ULK4: variants seen among roughly 807,000 people sequenced by gnomAD.
ULK4 encodes inactive serine/threonine-protein kinase ULK4.
A neutral mutation model predicts 160.6 loss-of-function variants in ULK4; 133 were observed. The ratio of observed to expected loss-of-function variants is 0.83; its 90% CI spans 0.72 to 0.96. The LOEUF is 0.96. ULK4 is among the 40% of genes least tolerant of loss of function. The pLI, the probability that ULK4 is intolerant of heterozygous loss-of-function variation, is 0.00. For synonymous variants in ULK4, 534 were observed against 539.8 expected (o/e 0.99, Z 0.15); for missense variants, 1,580 against 1,499.5 (o/e 1.05, Z -0.89).
In ULK4 at chr3:41,704,424, T is replaced by C. The variant is rs376306174; in HGVS notation, c.2781+633A>G. ...CCTGGCAAAACCTGATACTGCTCCT[T>C]GCACCATAAGCTAATTGTCTTCCTA... On this transcript the variant is annotated intron_variant, in intron 27 of 36. Coordinates refer to ENST00000301831, the MANE Select transcript of ULK4 (RefSeq NM_017886.4). Among the ~76,000 whole-genome samples, 7 of 152,186 alleles carry C rather than the reference T, an allele frequency of 4.6e-5. No homozygotes were observed. The South Asian group carries it at 1.0e-3, about 23-fold the overall frequency.
intron 35 of ULK4, among the ~76,000 whole-genome samples, chr3:41,326,544 A>T (rs1258097247): frequency 6.6e-6 from 1 of 152,190 alleles, no homozygotes. Flanking sequence ...AGAAAGTAAC[A>T]GGTGAAAGGC....
intron 29 of ULK4, among the ~76,000 whole-genome samples, chr3:41,666,065 C>T (rs189490763): frequency 1.3e-4 from 20 of 152,314 alleles, no homozygotes; most frequent in African/African-American, 4.6e-4. Flanking sequence ...AGTGTTTACT[C>T]CTCCCAGTAG....
At chr3:41,898,569 C>A in intron 13 of ULK4, 77 bp from the exon 14 acceptor site, 1 of 852,916 alleles carries the variant, frequency 1.2e-6, no homozygotes, top group Admixed American at 2.5e-5. Flanking sequence ...TCCCTTATGT[C>A]AGATAATAAA....
intron 5 of ULK4, among the ~76,000 whole-genome samples, chr3:41,921,699 ATGGG>A (rs1699189931): frequency 6.6e-6 from 1 of 152,244 alleles, no homozygotes; most frequent in African/African-American, 2.4e-5. Flanking sequence ...TCACACTCAA[ATGGG>A]TGGAAAACAA....
chr3:41,398,126 C>T lies in ULK4; in HGVS notation c.3631G>A (p.Glu1211Lys). ...EIFAHLLTSK[E>K]DPKEQKLLLR... ...AGAAGCTTCTGCTCCTTTGGGTCCT[C>T]CTTGGATGTCAGTAAATGAGCAAAA... The change falls in exon 35 of 37, where the codon GAG (glutamate) becomes AAG (lysine). Residue 1211 changes from glutamate (E) to lysine (K), a missense_variant. Glu to Lys is a moderately conservative substitution (Grantham distance 56, BLOSUM62 1). Coordinates refer to ENST00000301831, the MANE Select transcript of ULK4 (RefSeq NM_017886.4). 1.2e-6 allele frequency: 2 copies of T among 1,613,402 alleles called. No homozygotes were observed. The highest frequency in any genetic ancestry group is 1.7e-6 in the Non-Finnish European group (2 of 1,179,616).
Position 41,666,917 on chromosome 3 carries a change from G to A in ULK4, c.2979-3218C>T, listed in dbSNP as rs558284381. Among the ~76,000 whole-genome samples, 9 of 152,186 alleles carry A rather than the reference G, an allele frequency of 5.9e-5. No individual in the cohort carries two copies. The South Asian group carries it at 8.3e-4, about 14-fold the overall frequency. On this transcript the variant is annotated intron_variant, in intron 29 of 36. Coordinates refer to ENST00000301831, the MANE Select transcript of ULK4 (RefSeq NM_017886.4). ...CCAGCACTTTGGGAGGCCAAGGTGG[G>A]AGAATTACATGAGTCCAGGAGTTGA...
intron 30 of ULK4, among the ~76,000 whole-genome samples, chr3:41,641,816 T>C (rs557735740): frequency 7.3e-6 from 1 of 137,230 alleles, no homozygotes; most frequent in Admixed American, 7.0e-5. Context: ...TTCCTAATAA[T>C]TGTTTAAAAT....
intron 35 of ULK4, among the ~76,000 whole-genome samples, chr3:41,314,716 A>C (rs1351799258): frequency 6.6e-6 from 1 of 152,146 alleles, no homozygotes; most frequent in East Asian, 1.9e-4. Context: ...CTGAGTATAC[A>C]ATTTATTTGA....
At position 41,398,135 on chromosome 3, in the gene ULK4, T is replaced by C. The variant is rs768328897; in HGVS notation, c.3622A>G (p.Thr1208Ala). 1.9e-5 allele frequency: 30 copies of C among 1,613,384 alleles called. No homozygotes were observed. Among genetic ancestry groups the C allele is most frequent in the Non-Finnish European group, 2.5e-5 (30 of 1,179,642 alleles). The change falls in exon 35 of 37, where the codon ACA (threonine) becomes GCA (alanine). Residue 1208 changes from threonine (T) to alanine (A), a missense_variant. By Grantham distance (58) the Thr-to-Ala change is moderately conservative (BLOSUM62 0). Transcript: ENST00000301831. ...TGCTCCTTTGGGTCCTCCTTGGATG[T>C]CAGTAAATGAGCAAAAATTTCCACA... ...ENVEIFAHLL[T>A]SKEDPKEQKL...
intron 35 of ULK4, among the ~76,000 whole-genome samples, chr3:41,250,519 G>A (rs549845145): frequency 5.9e-5 from 9 of 152,146 alleles, no homozygotes; most frequent in Admixed American, 6.5e-5. Context: ...GAGTCCACAC[G>A]GAGCCAGACT....
In ULK4 at chr3:41,900,778, G is replaced by C. The variant is rs182749229; in HGVS notation, c.1234C>G (p.Leu412Val). The C allele has an allele frequency of 1.2e-6, 2 of 1,613,574 alleles. No individual in the cohort carries two copies. Among genetic ancestry groups the C allele is most frequent in the East Asian group, 2.2e-5 (1 of 44,856 alleles). ...ACAAGATCTGAGTCCGTGTAGATAA[G>C]CTCTCTCATCTGGGATTCCAGGTCC... ...QQDLESQMRE[L>V]IYTDSDLVVT... Residue 412 changes from leucine (L) to valine (V), a missense_variant, in exon 13 of 37, where the codon CTT becomes GTT. Physicochemically the swap from Leu to Val is conservative, Grantham distance 32 (BLOSUM62 1). Coordinates refer to ENST00000301831, the MANE Select transcript of ULK4 (RefSeq NM_017886.4).
chr3:41,264,120 G>T lies in ULK4; in HGVS notation c.3679-14546C>A, dbSNP rs142787776. Among the ~76,000 whole-genome samples the T allele has an allele frequency of 8.7e-4, 132 of 152,338 alleles. 1 individual carries two copies. The highest frequency in any genetic ancestry group is 3.1e-3 in the African/African-American group (128 of 41,574). The stretch of plus-strand genomic sequence containing the variant: ...GAGAAAGAACCAGCCATGAGAACAT[G>T]TGAGGGACTTATATTGTAAAAAGGG... On this transcript the variant is annotated intron_variant, in intron 35 of 36. Transcript: ENST00000301831.
chr3:41,845,694 G>T (rs546432036), intron 17 of ULK4, among the ~76,000 whole-genome samples: 1 of 151,964 alleles, frequency 6.6e-6, no homozygotes, highest in African/African-American at 2.4e-5. Context: ...GTATACACAG[G>T]ATCTCTCTAT....
At chr3:41,671,992 C>A (rs1455233363) in intron 29 of ULK4, among the ~76,000 whole-genome samples, 1 of 152,054 alleles carries the variant, frequency 6.6e-6, no homozygotes, top group African/African-American at 2.4e-5. Flanking sequence ...AACATCACTT[C>A]ATCAGGGAAA....
Position 41,295,609 on chromosome 3 carries a change from A to T in ULK4, c.3679-46035T>A, listed in dbSNP as rs536552881. Among the ~76,000 whole-genome samples the T allele has an allele frequency of 2.8e-4, 38 of 133,688 alleles. 4 individuals are homozygous for T. The highest frequency in any genetic ancestry group is 1.0e-3 in the Admixed American group (14 of 13,834). 87.7% of individuals were successfully genotyped at this position (133,688 alleles called of 152,430 possible). A position where few individuals can be genotyped will look rare whatever the true frequency, so the allele number is the denominator to read the frequency against. ...ACAGTAAGAAAACAGTTGATAAAAA[A>T]AAAAAGCCAAAGACCATAACAGACA... On this transcript the variant is annotated intron_variant, in intron 35 of 36. Transcript: ENST00000301831.
intron 35 of ULK4, among the ~76,000 whole-genome samples, chr3:41,367,386 G>A (rs558158986): frequency 1.3e-5 from 2 of 152,206 alleles, no homozygotes; most frequent in African/African-American, 2.4e-5. Flanking sequence ...GAACAGGGAC[G>A]GAAGGTTGAG....
intron 34 of ULK4, among the ~76,000 whole-genome samples, chr3:41,401,511 G>A (rs1024690168): frequency 3.3e-5 from 5 of 152,124 alleles, no homozygotes; most frequent in African/African-American, 1.2e-4. Flanking sequence ...CATCAGTTCC[G>A]TGTTGTATCT....
intron 21 of ULK4, among the ~76,000 whole-genome samples, chr3:41,767,881 T>G (rs1299445525): frequency 6.6e-6 from 1 of 152,186 alleles, no homozygotes; most frequent in Non-Finnish European, 1.5e-5. Flanking sequence ...AATGAGCTTA[T>G]GTACAAGAAT....
intron 19 of ULK4, among the ~76,000 whole-genome samples, chr3:41,808,324 G>C (rs974670771): frequency 2.0e-5 from 3 of 152,100 alleles, no homozygotes; most frequent in African/African-American, 7.2e-5. Flanking sequence ...TCAGTTCCTA[G>C]GACTCATTCC....
Sources: allele counts gnomAD v4.1 joint callset (sites outside exome capture counted in the v4.1 genomes callset), GRCh38; gene constraint gnomAD v4.1.1; transcripts MANE v1.5; gene names NCBI Gene and HGNC (gene_info 2026-07-23, HGNC 2026-07-21).